The following OR10G8 variants were observed in gnomAD, a reference collection of about 807,000 sequenced individuals.
OR10G8 encodes olfactory receptor family 10 subfamily G member 8, also known as olfactory receptor 10G8.
For synonymous variants in OR10G8, 173 were observed against 163.2 expected (o/e 1.06, Z -0.46); for missense variants, 386 against 384.9 (o/e 1.00, Z -0.02).
rs1864143073 is a variant in OR10G8 at position 124,030,102 on chromosome 11, A to G, written c.480A>G (p.Ile160Met). 1 of 1,613,942 alleles carries G rather than the reference A, an allele frequency of 6.2e-7. No homozygotes were observed. Among genetic ancestry groups the G allele is most frequent in the Non-Finnish European group, 8.5e-7 (1 of 1,179,904 alleles). Residue 160 changes from isoleucine (I) to methionine (M), a missense_variant, in exon 2 of 2, where the codon ATA (isoleucine) becomes ATG (methionine). Physicochemically the swap from Ile to Met is conservative, Grantham distance 10. Coordinates refer to ENST00000641224, the MANE Select transcript of OR10G8 (RefSeq NM_001004464.2). ...CTCTGCACTCTGCTGTCCAGGCCAT[A>G]TTGACTTTCCATTTGCCCTACTGTG... The part of the protein sequence containing the change: ...SGSLHSAVQA[I>M]LTFHLPYCGP...
chr11:124,029,290 A>G (rs1241751393), intron 1 of OR10G8, among the ~76,000 whole-genome samples: 1 of 152,164 alleles, frequency 6.6e-6, no homozygotes, highest in Non-Finnish European at 1.5e-5. Flanking sequence ...GACCTGACCC[A>G]CAGAGAGGGC....
rs1864142888 is a variant in OR10G8, at chr11:124,030,089, C to T, written c.467C>T (p.Ala156Val). 1.9e-6 allele frequency: 3 copies of T among 1,614,068 alleles called. No homozygotes were observed. In the African/African-American group the frequency reaches 4.0e-5, roughly 22 times the overall value. The change falls in exon 2 of 2, where the codon GCT becomes GTT. Residue 156 changes from alanine (A) to valine (V), a missense_variant. Physicochemically the swap from Ala to Val is moderately conservative, Grantham distance 64. Coordinates refer to ENST00000641224, the MANE Select transcript of OR10G8 (RefSeq NM_001004464.2). ...TGGCTCAGTGGCTCTCTGCACTCTG[C>T]TGTCCAGGCCATATTGACTTTCCAT... ...STWLSGSLHS[A>V]VQAILTFHLP...
At chr11:124,028,880 A>G (rs562831673) in intron 1 of OR10G8, among the ~76,000 whole-genome samples, 3 of 152,266 alleles carry the variant, frequency 2.0e-5, no homozygotes, top group South Asian at 4.2e-4. Flanking sequence ...TGTCTAGTAT[A>G]TGCTTTCCAT....
rs1441589267 is a variant in OR10G8, at chr11:124,029,738, G to A, written c.116G>A (p.Gly39Glu). The A allele has an allele frequency of 6.2e-7, 1 of 1,613,870 alleles. No homozygotes were observed. Among genetic ancestry groups the A allele is most frequent in the Admixed American group, 1.7e-5 (1 of 60,006 alleles). ...FLVVYVLTVL[G>E]NLLILLVIRV... ...GTGGTTTACGTGCTCACTGTGCTGG[G>A]GAACCTCCTCATCCTGCTGGTGATC... The change falls in exon 2 of 2, where the codon GGG (glycine) becomes GAG (glutamate). Residue 39 changes from glycine to glutamate, a missense_variant. Physicochemically the swap from Gly to Glu is moderately conservative, Grantham distance 98. Transcript: ENST00000641224.
In OR10G8 at chr11:124,030,324, C is replaced by T. The variant is rs113888590; in HGVS notation, c.702C>T (p.His234=). ...GGATCCGCACCTCAGAGGGGAAGCA[C>T]AGAGCCTTTCAGACCTGTGCCTCCC... ...ILRIRTSEGK[H]RAFQTCASHC... The change falls in exon 2 of 2, where the codon CAC becomes CAT. Residue 234 remains histidine, a synonymous_variant. Coordinates refer to ENST00000641224, the MANE Select transcript of OR10G8 (RefSeq NM_001004464.2). 7.4e-6 allele frequency: 12 copies of T among 1,614,220 alleles called. No homozygotes were observed. In the African/African-American group the frequency reaches 1.3e-4, roughly 18 times the overall value.
At position 124,029,732 on chromosome 11, in the gene OR10G8, T is replaced by C; in HGVS notation, c.110T>C (p.Val37Ala). The C allele has an allele frequency of 6.2e-7, 1 of 1,613,990 alleles. No homozygotes were observed. The highest frequency in any genetic ancestry group is 8.5e-7 in the Non-Finnish European group (1 of 1,179,876). Reference protein sequence around the residue: ...GVFLVVYVLTVLGNLLILLVI... With the variant: ...GVFLVVYVLTALGNLLILLVI... The stretch of plus-strand genomic sequence containing the variant: ...TTCCTGGTGGTTTACGTGCTCACTG[T>C]GCTGGGGAACCTCCTCATCCTGCTG... Residue 37 changes from valine (V) to alanine (A), a missense_variant, in exon 2 of 2, where the codon GTG becomes GCG. Coordinates refer to ENST00000641224, the MANE Select transcript of OR10G8 (RefSeq NM_001004464.2).
rs1211056363 is a variant in OR10G8, at chr11:124,030,391, AT to A, written c.772del (p.Tyr258ThrfsTer2). ...TTGCTTCTTTGGCCCTGGTCTTTTC[AT>A]TTACCTGAGGCCAGGCTCCAGGAAA... ...VLCFFGPGLF[I>X]YLRPGSRKAV... On this transcript the variant is annotated frameshift_variant, in exon 2 of 2. Transcript: ENST00000641224. LOFTEE classifies it low-confidence loss of function (END_TRUNC). The A allele has an allele frequency of 6.2e-7, 1 of 1,613,874 alleles. No homozygotes were observed. The highest frequency in any genetic ancestry group is 8.5e-7 in the Non-Finnish European group (1 of 1,180,008).
intron 1 of OR10G8, among the ~76,000 whole-genome samples, chr11:124,029,233 T>C (rs1864131853): frequency 6.6e-6 from 1 of 151,982 alleles, no homozygotes; most frequent in Non-Finnish European, 1.5e-5. Context: ...CAGGCCTTGG[T>C]GATATGTTGA....
chr11:124,029,936 TC>T lies in OR10G8; in HGVS notation c.316del (p.Leu106Ter), dbSNP rs1298696438. 6.2e-7 allele frequency: 1 copy of T among 1,613,988 alleles called. No individual in the cohort carries two copies. The highest frequency in any genetic ancestry group is 1.1e-5 in the South Asian group (1 of 91,072). ...SCMAQLYFFHFLGGTECFLYR... is the reference protein window; with the variant it reads ...SCMAQLYFFHXLGGTECFLYR... ...ATGGCTCAGCTCTATTTCTTTCACT[TC>T]CTAGGGGGCACCGAGTGTTTCCTCT... On this transcript the variant is annotated frameshift_variant, in exon 2 of 2. Coordinates refer to ENST00000641224, the MANE Select transcript of OR10G8 (RefSeq NM_001004464.2). LOFTEE classifies it low-confidence loss of function (END_TRUNC).
rs1864147970 is a variant in OR10G8 at position 124,030,407 on chromosome 11, G to A, written c.785G>A (p.Gly262Asp). The A allele has an allele frequency of 6.2e-7, 1 of 1,614,208 alleles. No individual in the cohort carries two copies. The highest frequency in any genetic ancestry group is 1.1e-5 in the South Asian group (1 of 91,090). Residue 262 changes from glycine to aspartate, a missense_variant, in exon 2 of 2, where the codon GGC (glycine) becomes GAC (aspartate). Physicochemically the swap from Gly to Asp is moderately conservative, Grantham distance 94. Transcript: ENST00000641224. The part of the protein sequence containing the change: ...GPGLFIYLRP[G>D]SRKAVDGVVA... Reference sequence around the variant, plus strand: ...GGTCTTTTCATTTACCTGAGGCCAGGCTCCAGGAAAGCTGTGGATGGAGTT... The same window carrying A: ...GGTCTTTTCATTTACCTGAGGCCAGACTCCAGGAAAGCTGTGGATGGAGTT...
chr11:124,029,455 G>C, intron 1 of OR10G8, 141 bp from the exon 2 acceptor site: 1 of 739,740 alleles, frequency 1.4e-6, no homozygotes, highest in South Asian at 1.9e-5. Context: ...CACTTCATTA[G>C]TTTATGAAGG....
intron 1 of OR10G8, among the ~76,000 whole-genome samples, chr11:124,029,365 C>A (rs968999078): frequency 1.3e-5 from 2 of 152,126 alleles, no homozygotes; most frequent in African/African-American, 4.8e-5. Flanking sequence ...CTATTAAAAT[C>A]TAAGACAATG....
At position 124,030,305 on chromosome 11, in the gene OR10G8, G is replaced by A. The variant is rs770479798; in HGVS notation, c.683G>A (p.Arg228His). ...ATCGTCTGTTCCATCCTGCGGATCC[G>A]CACCTCAGAGGGGAAGCACAGAGCC... ...VSIVCSILRIRTSEGKHRAFQ... is the reference protein window; with the variant it reads ...VSIVCSILRIHTSEGKHRAFQ... The change falls in exon 2 of 2, where the codon CGC becomes CAC. Residue 228 changes from arginine to histidine, a missense_variant. Arg to His is a conservative substitution (Grantham distance 29). Coordinates refer to ENST00000641224, the MANE Select transcript of OR10G8 (RefSeq NM_001004464.2). 5.0e-5 allele frequency: 81 copies of A among 1,614,074 alleles called. 1 individual carries two copies. The South Asian group carries it at 5.4e-4, about 11-fold the overall frequency.
chr11:124,027,502 C>T lies in OR10G8; in HGVS notation c.-28+635C>T, dbSNP rs545953976. Among the ~76,000 whole-genome samples the T allele has an allele frequency of 5.7e-4, 87 of 152,246 alleles. 1 individual carries two copies. The South Asian group carries it at 8.9e-3, about 16-fold the overall frequency. On this transcript the variant is annotated intron_variant, in intron 1 of 1. Transcript: ENST00000641224. Reference sequence around the variant, plus strand: ...ATATGCAAGTCAAACATTGACCCTGCGGATTGAGACTCTTGCTTTAGGTCT... The same window carrying T: ...ATATGCAAGTCAAACATTGACCCTGTGGATTGAGACTCTTGCTTTAGGTCT...
At chr11:124,028,660 C>A (rs1864126354) in intron 1 of OR10G8, among the ~76,000 whole-genome samples, 1 of 152,140 alleles carries the variant, frequency 6.6e-6, no homozygotes, top group Admixed American at 6.6e-5. Flanking sequence ...TTATTTAATG[C>A]TTATAACTTC....
intron 1 of OR10G8, 111 bp from the exon 2 acceptor site, chr11:124,029,485 A>G: frequency 3.0e-6 from 3 of 991,474 alleles, no homozygotes; most frequent in Non-Finnish European, 4.5e-6. Context: ...TAACAAGCAA[A>G]GTCCACAATA....
At position 124,030,560 on chromosome 11, in the gene OR10G8, C is replaced by T; in HGVS notation, c.*2C>T. 1 of 1,567,740 alleles carries T rather than the reference C, an allele frequency of 6.4e-7. No individual in the cohort carries two copies. Among genetic ancestry groups the T allele is most frequent in the Non-Finnish European group, 8.6e-7 (1 of 1,160,024 alleles). On this transcript the variant is annotated 3_prime_UTR_variant, in exon 2 of 2. Coordinates refer to ENST00000641224, the MANE Select transcript of OR10G8 (RefSeq NM_001004464.2). ...GTAGCACATTCTCAGAGCAAATAGA[C>T]ACTAGGGAAGATTACATATCTTAGC... is the stretch of plus-strand genomic sequence containing the variant.
chr11:124,026,838 G>A lies in OR10G8; in HGVS notation c.-57G>A, dbSNP rs1864111786. The A allele has an allele frequency of 6.6e-6, 1 of 152,308 alleles. No homozygotes were observed. The highest frequency in any genetic ancestry group is 2.1e-4 in the South Asian group (1 of 4,826). 9.4% of individuals were successfully genotyped at this position (152,308 alleles called of 1,614,324 possible). ...TTAAGTTGAGAGCAAGCAGTTGTGA[G>A]TGTCTCTCAGCCACTGGTGAGAGAA... On this transcript the variant is annotated 5_prime_UTR_variant, in exon 1 of 2. It adds an upstream start codon to the 5' untranslated region. Coordinates refer to ENST00000641224, the MANE Select transcript of OR10G8 (RefSeq NM_001004464.2).
chr11:124,029,234 G>C (rs1312024242), intron 1 of OR10G8, among the ~76,000 whole-genome samples: 1 of 152,116 alleles, frequency 6.6e-6, no homozygotes, highest in Non-Finnish European at 1.5e-5. Flanking sequence ...AGGCCTTGGT[G>C]ATATGTTGAT....
Sources: gnomAD v4.1 joint callset for allele counts (sites outside exome capture counted in the v4.1 genomes callset) on GRCh38, gnomAD v4.1.1 for gene constraint, MANE v1.5 for transcripts, NCBI Gene and HGNC (gene_info 2026-07-23, HGNC 2026-07-21) for gene names.